TNIK: variants seen among roughly 807,000 people sequenced by gnomAD.
TNIK encodes the protein TRAF2 and NCK interacting kinase.
Under a neutral mutation model 191.3 loss-of-function variants are expected in TNIK, and 49 were observed. That is an observed-to-expected ratio of 0.26 (90% confidence interval 0.20 to 0.32). The LOEUF (loss-of-function observed/expected upper bound fraction) is 0.32. Ranked by LOEUF, TNIK falls within the 10% of genes least tolerant of loss-of-function variation. TNIK has a pLI of 1.00. For missense variants in TNIK, 1,155 were observed against 1,702.3 expected, an observed-to-expected ratio of 0.68 and a Z score of 5.66; for synonymous variants, 594 against 600.9, an observed-to-expected ratio of 0.99 and a Z score of 0.17.
intron 18 of TNIK, among the ~76,000 whole-genome samples, chr3:171,111,379 C>T (rs1249500311): frequency 6.6e-6 from 1 of 151,918 alleles, no homozygotes; most frequent in Non-Finnish European, 1.5e-5. Flanking sequence ...CACGCCACTG[C>T]ACTCCAGCCT....
chr3:171,221,511 T>C (rs1286610991), intron 3 of TNIK, among the ~76,000 whole-genome samples: 2 of 152,170 alleles, frequency 1.3e-5, no homozygotes, highest in Non-Finnish European at 2.9e-5. Flanking sequence ...TCATACTCTG[T>C]ACACTGCTTG....
At chr3:171,255,088 G>T (rs990418520) in intron 2 of TNIK, among the ~76,000 whole-genome samples, 1 of 152,074 alleles carries the variant, frequency 6.6e-6, no homozygotes, top group African/African-American at 2.4e-5. Flanking sequence ...CTCTAATTTT[G>T]GTTCATAACC....
At chr3:171,344,891 G>A (rs1711914969) in intron 2 of TNIK, among the ~76,000 whole-genome samples, 1 of 152,016 alleles carries the variant, frequency 6.6e-6, no homozygotes, top group Admixed American at 6.6e-5. Flanking sequence ...GTTCTCATAA[G>A]GACTAAATGA....
At chr3:171,134,772 G>A (rs1224986119) in intron 15 of TNIK, among the ~76,000 whole-genome samples, 1 of 152,220 alleles carries the variant, frequency 6.6e-6, no homozygotes, top group African/African-American at 2.4e-5. Context: ...CAGAAATGCA[G>A]TGATCACTTG....
At chr3:171,229,840 C>T (rs182392121) in intron 2 of TNIK, among the ~76,000 whole-genome samples, 1 of 152,228 alleles carries the variant, frequency 6.6e-6, no homozygotes, top group East Asian at 1.9e-4. Flanking sequence ...TGGTCACAGA[C>T]ACAGCCCCTC....
chr3:171,453,310 G>A (rs1158448603), intron 1 of TNIK, among the ~76,000 whole-genome samples: 2 of 152,212 alleles, frequency 1.3e-5, no homozygotes, highest in Non-Finnish European at 2.9e-5. Context: ...GACAGTCTAT[G>A]AGTGGGAGGG....
chr3:171,422,597 T>C (rs1723969705), intron 1 of TNIK, among the ~76,000 whole-genome samples: 1 of 152,220 alleles, frequency 6.6e-6, no homozygotes, highest in Admixed American at 6.5e-5. Flanking sequence ...AACTTACTTT[T>C]GGAAATCATG....
Position 171,138,188 on chromosome 3 carries a change from T to G in TNIK, c.1608+3A>C. 1 of 1,581,998 alleles carries G rather than the reference T, an allele frequency of 6.3e-7. No homozygotes were observed. Among genetic ancestry groups the G allele is most frequent in the Non-Finnish European group, 8.6e-7 (1 of 1,167,386 alleles). ...CAGGGTGAGGCTACCCTTGCTTACT[T>G]ACCTCCTTGGCCCATGCTGGCTTCT... On this transcript the variant is annotated splice_donor_region_variant and intron_variant, in intron 15 of 32. Coordinates refer to ENST00000436636, the MANE Select transcript of TNIK (RefSeq NM_015028.4).
At chr3:171,291,583 T>C (rs1243172108) in intron 2 of TNIK, among the ~76,000 whole-genome samples, 2 of 152,226 alleles carry the variant, frequency 1.3e-5, no homozygotes, top group Admixed American at 6.5e-5. Flanking sequence ...CTGCTGGCCT[T>C]CATAGCTCCA....
chr3:171,209,064 G>GGTGTGTGTGTGTGTGTGTGTGTGT (rs61264225), intron 4 of TNIK, among the ~76,000 whole-genome samples: 2 of 142,016 alleles, frequency 1.4e-5, no homozygotes, highest in African/African-American at 2.7e-5. Flanking sequence ...CTTTGGAAGG[G>GGTGTGTGTGTGTGTGTGTGTGTGT]GTGTGTGTGT....
At chr3:171,450,415 C>G (rs942289200) in intron 1 of TNIK, among the ~76,000 whole-genome samples, 2 of 152,170 alleles carry the variant, frequency 1.3e-5, no homozygotes, top group African/African-American at 2.4e-5. Context: ...GTGGGAATGA[C>G]TGATTCACTA....
chr3:171,430,985 G>T (rs1577912561), intron 1 of TNIK, among the ~76,000 whole-genome samples: 1 of 152,108 alleles, frequency 6.6e-6, no homozygotes, highest in African/African-American at 2.4e-5. Context: ...ACACCAAGCT[G>T]AACCAGATTT....
At chr3:171,424,703 A>C (rs561758082) in intron 1 of TNIK, among the ~76,000 whole-genome samples, 4 of 152,124 alleles carry the variant, frequency 2.6e-5, no homozygotes, top group Non-Finnish European at 4.4e-5. Flanking sequence ...TGAAGCTGGA[A>C]ACCATCATTC....
chr3:171,401,724 T>C (rs1253349399), intron 1 of TNIK, among the ~76,000 whole-genome samples: 2 of 152,104 alleles, frequency 1.3e-5, no homozygotes, highest in Admixed American at 1.3e-4. Context: ...GAGAAGCAGA[T>C]GGTCAGATTA....
intron 2 of TNIK, among the ~76,000 whole-genome samples, chr3:171,237,694 G>A (rs1313987520): frequency 2.0e-5 from 3 of 152,128 alleles, no homozygotes; most frequent in Non-Finnish European, 2.9e-5. Context: ...GGCCAAGGCA[G>A]GAGGATCACT....
rs118139883 is a variant in TNIK, at chr3:171,377,075, C to T, written c.58-7390G>A. Reference sequence around the variant, plus strand: ...CTCCCCAGCTCCCTGTGTCAAGCATCGTCTTTTGGGAAGGGCTGTCCTGAG... The same window carrying T: ...CTCCCCAGCTCCCTGTGTCAAGCATTGTCTTTTGGGAAGGGCTGTCCTGAG... On this transcript the variant is annotated intron_variant, in intron 1 of 32. Transcript: ENST00000436636. Among the ~76,000 whole-genome samples, 90 of 152,312 alleles carry T rather than the reference C, an allele frequency of 5.9e-4. No individual in the cohort carries two copies. The East Asian group carries it at 0.016, about 28-fold the overall frequency.
chr3:171,284,654 T>A (rs1750826461), intron 2 of TNIK, among the ~76,000 whole-genome samples: 1 of 152,152 alleles, frequency 6.6e-6, no homozygotes, highest in Non-Finnish European at 1.5e-5. Context: ...TTATTGCAAA[T>A]AGCCAGTCCC....
intron 2 of TNIK, among the ~76,000 whole-genome samples, chr3:171,264,081 C>T (rs983680980): frequency 9.9e-6 from 1 of 100,884 alleles, no homozygotes; most frequent in African/African-American, 4.2e-5. Flanking sequence ...CACACACACA[C>T]ACACACACAC....
intron 2 of TNIK, among the ~76,000 whole-genome samples, chr3:171,242,418 G>A (rs1002286130): frequency 3.9e-5 from 6 of 152,042 alleles, no homozygotes; most frequent in African/African-American, 1.4e-4. Context: ...AAAATATCAA[G>A]TCTAATTTCA....
Sources: gnomAD v4.1 joint callset for allele counts (sites outside exome capture counted in the v4.1 genomes callset) on GRCh38, gnomAD v4.1.1 for gene constraint, MANE v1.5 for transcripts, NCBI Gene and HGNC (gene_info 2026-07-23, HGNC 2026-07-21) for gene names.